Variants in IFT140 observed in about 807,000 individuals in gnomAD.
IFT140 encodes the protein intraflagellar transport 140.
IFT140 carries 133 observed loss-of-function variants against 164.6 expected under a neutral mutation model. That is an observed-to-expected ratio of 0.81 (90% CI 0.70 to 0.93). The LOEUF (loss-of-function observed/expected upper bound fraction) is 0.93, where lower values mean the gene tolerates loss of function less well. Among genes scored for constraint, IFT140 ranks in the 40% least tolerant of loss-of-function variants. The pLI is 0.00. For synonymous variants in IFT140, 860 were observed against 817.3 expected (o/e 1.05, Z -0.89); for missense variants, 2,045 against 1,972.3 (o/e 1.04, Z -0.70).
intron 4 of IFT140, among the ~76,000 whole-genome samples, chr16:1,594,188 T>A (rs1487158885): frequency 6.6e-6 from 1 of 152,100 alleles, no homozygotes; most frequent in Non-Finnish European, 1.5e-5. Flanking sequence ...TCTGGTGCCC[T>A]AAGATTACCT....
Position 1,519,887 on chromosome 16 carries a change from GCCTGGATGAA to G in IFT140, c.4024_4033del (p.Phe1342ProfsTer71). 6.5e-7 allele frequency: 1 copy of G among 1,545,134 alleles called. No individual in the cohort carries two copies. Among genetic ancestry groups the G allele is most frequent in the Non-Finnish European group, 8.7e-7 (1 of 1,148,068 alleles). ...GCTGGCCCCGGGGGCACACCTGCGG[GCCTGGATGAA>G]CCTCTTCACCAGTGCCATCCTGCTC... On this transcript the variant is annotated frameshift_variant, in exon 29 of 31. Transcript: ENST00000426508. LOFTEE classifies it high-confidence loss of function.
rs146530514 is a variant in IFT140, at chr16:1,611,167, G to A, written c.-221-314C>T. Among the ~76,000 whole-genome samples the A allele has an allele frequency of 5.2e-4, 79 of 152,306 alleles. No individual in the cohort carries two copies. The East Asian group carries it at 8.7e-3, about 17-fold the overall frequency. On this transcript the variant is annotated intron_variant, in intron 1 of 30. Coordinates refer to ENST00000426508, the MANE Select transcript of IFT140 (RefSeq NM_014714.4). ...GTGACTGAGGGCCTGTTCCATCGCC[G>A]GGCCCCGGACTCCACAGAGCCAAGC...
In IFT140 at chr16:1,533,630, G is replaced by A. The variant is rs1341211770; in HGVS notation, c.2400-6834C>T. On this transcript the variant is annotated intron_variant, in intron 19 of 30. Coordinates refer to ENST00000426508, the MANE Select transcript of IFT140 (RefSeq NM_014714.4). This position sits in a 1 kb window ranked among gnomAD's most constrained non-coding sequence, Gnocchi z 4.7. ...GCCGCTATTTGTTGCGGTTGGCTAC[G>A]CCTTCCAGCTCACCAAAAACAGTCT... is the stretch of plus-strand genomic sequence containing the variant. 2.6e-5 allele frequency: 4 copies of A among 152,238 alleles called. No homozygotes were observed. Among genetic ancestry groups the A allele is most frequent in the African/African-American group, 9.7e-5 (4 of 41,440 alleles). 9.4% of individuals were successfully genotyped at this position (152,238 alleles called of 1,614,324 possible). A position where few individuals can be genotyped will look rare whatever the true frequency, so the allele number is the denominator to read the frequency against.
At chr16:1,538,007 G>A (rs1471997864) in intron 19 of IFT140, among the ~76,000 whole-genome samples, 1 of 152,230 alleles carries the variant, frequency 6.6e-6, no homozygotes, top group Non-Finnish European at 1.5e-5. Context: ...AAAGTCAGCT[G>A]CTACCACGCA....
At chr16:1,530,687 G>A (rs549876463) in intron 19 of IFT140, 2 of 149,264 alleles carry the variant, frequency 1.3e-5, no homozygotes, top group South Asian at 2.1e-4. Context: ...TCTCCCACGC[G>A]GAGGCCACCC....
intron 19 of IFT140, chr16:1,541,778 C>T (rs1277131230): frequency 9.7e-7 from 1 of 1,028,058 alleles, no homozygotes; most frequent in African/African-American, 1.7e-5. Context: ...GTGATGCTTC[C>T]CGAAGCCACT....
chr16:1,603,050 TTAA>T (rs1274444982), intron 3 of IFT140, among the ~76,000 whole-genome samples: 1 of 152,172 alleles, frequency 6.6e-6, no homozygotes, highest in East Asian at 1.9e-4. Context: ...AGTAGACTCT[TTAA>T]TTTTTCATAA....
chr16:1,592,475 A>T lies in IFT140; in HGVS notation c.483T>A (p.Pro161=). Residue 161 remains proline (P), a synonymous_variant, in exon 5 of 31, where the codon CCT becomes CCA. Transcript: ENST00000426508. ...GCAAGCCCCACACTTACTCGCCAGG[A>T]GGGGGGAGCCGGAAGATGCAGTGCG... ...HLTHCIFRLP[P]PGEDLVQLAK... 6.2e-7 allele frequency: 1 copy of T among 1,614,112 alleles called. No individual in the cohort carries two copies. The highest frequency in any genetic ancestry group is 1.1e-5 in the South Asian group (1 of 91,080).
chr16:1,586,907 A>G (rs113143675), intron 9 of IFT140, among the ~76,000 whole-genome samples: 16,014 of 152,082 alleles, frequency 0.11, 1,203 homozygotes, highest in African/African-American at 0.21. Flanking sequence ...GGGTCTCACT[A>G]TGTAGCTCAG....
At chr16:1,571,572 T>A in intron 13 of IFT140, 38 bp from the exon 14 acceptor site, 9 of 1,590,152 alleles carry the variant, frequency 5.7e-6, no homozygotes, top group Non-Finnish European at 7.7e-6. Context: ...TATTTCATGT[T>A]AGTTACTGAA....
chr16:1,523,608 T>C lies in IFT140; in HGVS notation c.3363A>G (p.Ser1121=). ...AGCAGCGGGCCAGGAGCGCAGGGTC[T>C]GACGTCTCATCCAGGTCCTCTGCTA... ...QLIAEDLDET[S]DPALLARCSD... The change falls in exon 26 of 31, where the codon TCA becomes TCG. Residue 1121 remains serine (S), a synonymous_variant. Transcript: ENST00000426508. 1 of 1,613,978 alleles carries C rather than the reference T, an allele frequency of 6.2e-7. No individual in the cohort carries two copies. The highest frequency in any genetic ancestry group is 8.5e-7 in the Non-Finnish European group (1 of 1,180,024).
At chr16:1,571,956 G>A (rs952906713) in intron 13 of IFT140, among the ~76,000 whole-genome samples, 1 of 152,238 alleles carries the variant, frequency 6.6e-6, no homozygotes, top group African/African-American at 2.4e-5. Context: ...TGTCTGTGGA[G>A]GCCCTGTCAT....
Position 1,607,317 on chromosome 16 carries a change from A to AC in IFT140, c.-31-21dup, listed in dbSNP as rs1177874128. ...TGAAACCTGCAGGGAAAAAAAAATGACCAAGTCCAATCAGTTTTAAATAAA... is the reference window on the plus strand; with the variant it reads ...TGAAACCTGCAGGGAAAAAAAAATGACCCAAGTCCAATCAGTTTTAAATAAA... On this transcript the variant is annotated intron_variant, in intron 2 of 30. Coordinates refer to ENST00000426508, the MANE Select transcript of IFT140 (RefSeq NM_014714.4). The AC allele has an allele frequency of 2.6e-6, 4 of 1,561,036 alleles. No homozygotes were observed. Among genetic ancestry groups the AC allele is most frequent in the Non-Finnish European group, 3.5e-6 (4 of 1,150,062 alleles).
chr16:1,541,412 C>T, intron 19 of IFT140: 1 of 985,388 alleles, frequency 1.0e-6, no homozygotes, highest in Non-Finnish European at 1.2e-6. Flanking sequence ...GGAGGGAACA[C>T]CACCATGAGC....
intron 10 of IFT140, among the ~76,000 whole-genome samples, chr16:1,585,054 T>G (rs1275919646): frequency 6.6e-6 from 1 of 152,116 alleles, no homozygotes; most frequent in Non-Finnish European, 1.5e-5. Flanking sequence ...CAGTGTCTCA[T>G]CAGGTAGAGA....
chr16:1,601,748 G>A (rs2035806659), intron 4 of IFT140, among the ~76,000 whole-genome samples: 1 of 152,244 alleles, frequency 6.6e-6, no homozygotes, highest in Non-Finnish European at 1.5e-5. Flanking sequence ...GTGCTGGAAG[G>A]CAGCAGCCAG....
At chr16:1,540,415 G>A (rs1275024246) in intron 19 of IFT140, among the ~76,000 whole-genome samples, 1 of 152,206 alleles carries the variant, frequency 6.6e-6, no homozygotes, top group East Asian at 1.9e-4. Context: ...CAGCGTGCCT[G>A]CCCCGTGCAC....
intron 8 of IFT140, 43 bp downstream of exon 8, chr16:1,587,890 C>T (rs779254057): frequency 2.0e-6 from 3 of 1,484,526 alleles, no homozygotes; most frequent in Non-Finnish European, 2.8e-6. Flanking sequence ...GCCTGTTCCT[C>T]AGGGAACTCT....
intron 6 of IFT140, among the ~76,000 whole-genome samples, chr16:1,590,813 T>C (rs915899866): frequency 6.6e-6 from 1 of 152,158 alleles, no homozygotes; most frequent in Non-Finnish European, 1.5e-5. Context: ...TCAGCTAGGC[T>C]GGAGTAGAGT....
Sources: allele counts gnomAD v4.1 joint callset (sites outside exome capture counted in the v4.1 genomes callset), GRCh38; gene constraint gnomAD v4.1.1; non-coding constraint Gnocchi (gnomAD v3.1); transcripts MANE v1.5; gene names NCBI Gene and HGNC (gene_info 2026-07-23, HGNC 2026-07-21).